Variants in SLC25A26 observed in about 807,000 individuals in gnomAD.
SLC25A26 encodes solute carrier family 25 member 26.
SLC25A26 carries 36 observed loss-of-function variants against 37.8 expected under a neutral mutation model. The ratio of observed to expected loss-of-function variants is 0.95; its 90% confidence interval spans 0.73 to 1.26. SLC25A26 has a LOEUF of 1.26. Among genes scored for constraint, SLC25A26 ranks in the 50% most tolerant of loss-of-function variants. The pLI is 0.00. For synonymous variants in SLC25A26, 129 were observed against 122.5 expected (o/e 1.05, Z -0.35); for missense variants, 390 against 331.1 (o/e 1.18, Z -1.38).
chr3:66,327,104 T>C (rs2075857672), intron 5 of SLC25A26, among the ~76,000 whole-genome samples: 1 of 152,226 alleles, frequency 6.6e-6, no homozygotes, highest in African/African-American at 2.4e-5. Context: ...AGGTGGGAAC[T>C]TCTTCAGCTG....
intron 4 of SLC25A26, among the ~76,000 whole-genome samples, chr3:66,262,696 T>C (rs1345255218): frequency 6.6e-6 from 1 of 152,212 alleles, no homozygotes; most frequent in Non-Finnish European, 1.5e-5. Flanking sequence ...CATGGGAATT[T>C]TCAAAGAGTC....
At chr3:66,292,902 C>T (rs2074764002) in intron 5 of SLC25A26, among the ~76,000 whole-genome samples, 1 of 152,148 alleles carries the variant, frequency 6.6e-6, no homozygotes, top group Non-Finnish European at 1.5e-5. Context: ...TTCCATTCTC[C>T]CCGTCACTTT....
At chr3:66,245,690 A>G (rs2072801600) in intron 3 of SLC25A26, among the ~76,000 whole-genome samples, 1 of 152,214 alleles carries the variant, frequency 6.6e-6, no homozygotes, top group African/African-American at 2.4e-5. Context: ...AGAATCTACA[A>G]ACTGTTTAGT....
chr3:66,365,182 C>A (rs1325072727), intron 7 of SLC25A26, among the ~76,000 whole-genome samples: 2 of 152,200 alleles, frequency 1.3e-5, no homozygotes, highest in African/African-American at 2.4e-5. Flanking sequence ...TTTACCCTTA[C>A]ATGGCCATAA....
intron 6 of SLC25A26, among the ~76,000 whole-genome samples, chr3:66,358,421 C>G (rs2076624606): frequency 6.6e-6 from 1 of 152,188 alleles, no homozygotes; most frequent in East Asian, 1.9e-4. Context: ...TTGTTGCAGA[C>G]ATTGACATAG....
At chr3:66,217,652 G>A (rs956822162), upstream of SLC25A26, among the ~76,000 whole-genome samples, 14 of 151,882 alleles carry the variant, frequency 9.2e-5, no homozygotes, top group Non-Finnish European at 1.0e-4. Flanking sequence ...GGGTTCAAGC[G>A]ATTCTCCTGC....
At position 66,205,561 on chromosome 3, in the gene SLC25A26, A is replaced by G. The variant is rs2071165683; in HGVS notation, c.-353-15181A>G. On this transcript the variant is annotated intron_variant, in intron 1 of 10. Coordinates refer to the SLC25A26 transcript ENST00000676754. ...ATCAACTATGCCAGTGCTATATAAA[A>G]TAGGATTCATTCATATTTGGACTGA... Among the ~76,000 whole-genome samples the G allele has an allele frequency of 1.3e-5, 2 of 152,218 alleles. 1 individual carries two copies. Among genetic ancestry groups the G allele is most frequent in the African/African-American group, 4.8e-5 (2 of 41,462 alleles).
rs893895151 is a variant in SLC25A26, at chr3:66,253,028, C to A, written c.301-9023C>A. 4.5e-4 allele frequency among the ~76,000 whole-genome samples: 66 copies of A among 147,110 alleles called. 1 individual carries two copies. The highest frequency in any genetic ancestry group is 1.5e-3 in the African/African-American group (59 of 39,342). ...ACTGTGATAGGCAAAATAATGCCCCCCCCCCCCCATAAATATGTCCTAGTC... is the reference window on the plus strand; with the variant it reads ...ACTGTGATAGGCAAAATAATGCCCCACCCCCCCCATAAATATGTCCTAGTC... On this transcript the variant is annotated intron_variant, in intron 3 of 9. Coordinates refer to ENST00000354883, the MANE Select transcript of SLC25A26 (RefSeq NM_001379210.1).
At chr3:66,243,788 C>T (rs1425615870) in intron 3 of SLC25A26, among the ~76,000 whole-genome samples, 2 of 152,198 alleles carry the variant, frequency 1.3e-5, no homozygotes, top group African/African-American at 2.4e-5. Context: ...TGTTGCAGCT[C>T]ACACACCCTG....
chr3:66,297,827 A>T (rs1413017362), intron 5 of SLC25A26, among the ~76,000 whole-genome samples: 1 of 152,194 alleles, frequency 6.6e-6, no homozygotes, highest in Non-Finnish European at 1.5e-5. Flanking sequence ...TCTGAATCCT[A>T]GACTAGATCA....
chr3:66,364,910 T>C (rs1042286047), intron 7 of SLC25A26, among the ~76,000 whole-genome samples: 3 of 152,208 alleles, frequency 2.0e-5, no homozygotes, highest in Non-Finnish European at 4.4e-5. Flanking sequence ...AAAAATCTGT[T>C]GTCAGTAGAA....
intron 1 of SLC25A26, among the ~76,000 whole-genome samples, chr3:66,138,768 C>T (rs1451662322): frequency 1.3e-5 from 2 of 152,062 alleles, no homozygotes; most frequent in Non-Finnish European, 2.9e-5. Flanking sequence ...GTCCTGGATA[C>T]GGGCATCGGT....
intron 9 of SLC25A26, among the ~76,000 whole-genome samples, chr3:66,374,133 C>G (rs1378561704): frequency 6.6e-6 from 1 of 152,216 alleles, no homozygotes; most frequent in Non-Finnish European, 1.5e-5. Context: ...TTCATTAACT[C>G]TTTCTGCTTA....
chr3:66,175,509 G>A (rs927345255), intron 1 of SLC25A26, among the ~76,000 whole-genome samples: 7 of 152,134 alleles, frequency 4.6e-5, no homozygotes, highest in African/African-American at 1.7e-4. Flanking sequence ...ACAGGCATGA[G>A]CCACCACACC....
At chr3:66,168,718 T>C (rs1278648764) in intron 1 of SLC25A26, among the ~76,000 whole-genome samples, 1 of 152,178 alleles carries the variant, frequency 6.6e-6, no homozygotes, top group Non-Finnish European at 1.5e-5. Flanking sequence ...GCATGTAAGC[T>C]TCCAGCTCAT....
Position 66,281,995 on chromosome 3 carries a change from C to CTTTT in SLC25A26, c.453+18616_453+18617insTTTT, listed in dbSNP as rs745763623. ...GCACCACCACACCCAACTGATTTTGCATTTTTTTTTTTTTTTTTTTTTTTT... is the reference window on the plus strand; with the variant it reads ...GCACCACCACACCCAACTGATTTTGCTTTTATTTTTTTTTTTTTTTTTTTTTTTT... On this transcript the variant is annotated intron_variant, in intron 5 of 9. Transcript: ENST00000354883. 2.8e-4 allele frequency among the ~76,000 whole-genome samples: 25 copies of CTTTT among 87,836 alleles called. 1 individual carries two copies. Among genetic ancestry groups the CTTTT allele is most frequent in the African/African-American group, 4.8e-4 (8 of 16,538 alleles). 57.6% of individuals were successfully genotyped at this position (87,836 alleles called of 152,430 possible).
chr3:66,165,317 G>A (rs1002142965), intron 1 of SLC25A26, among the ~76,000 whole-genome samples: 2 of 152,174 alleles, frequency 1.3e-5, no homozygotes, highest in Non-Finnish European at 2.9e-5. Flanking sequence ...GAAACTTTGA[G>A]CCTGAGCTAC....
intron 5 of SLC25A26, among the ~76,000 whole-genome samples, chr3:66,321,845 A>G (rs147376193): frequency 6.6e-6 from 1 of 151,658 alleles, no homozygotes; most frequent in East Asian, 1.9e-4. Context: ...TTGTACTGCT[A>G]TGACAGAATA....
At chr3:66,342,255 T>C (rs1208528778) in intron 5 of SLC25A26, among the ~76,000 whole-genome samples, 3 of 152,220 alleles carry the variant, frequency 2.0e-5, no homozygotes, top group Non-Finnish European at 4.4e-5. Context: ...TCTGTGTTTT[T>C]TAAACGTATT....
Sources: allele counts gnomAD v4.1 joint callset (sites outside exome capture counted in the v4.1 genomes callset), GRCh38; gene constraint gnomAD v4.1.1; transcripts MANE v1.5; gene names NCBI Gene and HGNC (gene_info 2026-07-23, HGNC 2026-07-21).